HS6ST3: variants seen among roughly 807,000 people sequenced by gnomAD.
HS6ST3 encodes the protein heparan-sulfate 6-O-sulfotransferase 3.
A neutral mutation model predicts 36.7 loss-of-function variants in HS6ST3; 12 were observed. That is an observed-to-expected ratio of 0.33 (90% CI 0.21 to 0.53). The LOEUF (loss-of-function observed/expected upper bound fraction) is 0.53. Ranked by LOEUF, HS6ST3 falls within the 20% of genes least tolerant of loss-of-function variation. The pLI is 0.95. For missense variants in HS6ST3, 584 were observed against 640.9 expected, an observed-to-expected ratio of 0.91 and a Z score of 0.96; for synonymous variants, 240 against 257.5, an observed-to-expected ratio of 0.93 and a Z score of 0.65.
intron 1 of HS6ST3, among the ~76,000 whole-genome samples, chr13:96,608,596 A>G (rs1055336630): frequency 3.3e-5 from 5 of 152,216 alleles, no homozygotes; most frequent in African/African-American, 4.8e-5. Flanking sequence ...CTATAGGTCA[A>G]ATTGTCTGGG....
intron 1 of HS6ST3, 110 bp downstream of exon 1, chr13:96,091,679 C>A: frequency 2.1e-6 from 3 of 1,401,948 alleles, no homozygotes; most frequent in Non-Finnish European, 2.8e-6. Context: ...GGTTTCCTGG[C>A]GTCTTCAGCG....
intron 1 of HS6ST3, among the ~76,000 whole-genome samples, chr13:96,821,254 C>A (rs956952129): frequency 2.0e-5 from 3 of 152,208 alleles, no homozygotes; most frequent in East Asian, 3.9e-4. Context: ...CCATCCCTGG[C>A]CTTGCAAGAT....
chr13:96,701,336 A>G (rs117586952), intron 1 of HS6ST3, among the ~76,000 whole-genome samples: 1 of 152,328 alleles, frequency 6.6e-6, no homozygotes, highest in East Asian at 1.9e-4. Flanking sequence ...AGAATGACTA[A>G]TGGAATAATG....
intron 1 of HS6ST3, among the ~76,000 whole-genome samples, chr13:96,654,877 T>G (rs1259008207): frequency 6.6e-6 from 1 of 152,102 alleles, no homozygotes; most frequent in Non-Finnish European, 1.5e-5. Context: ...TTTTACACAT[T>G]CTAGATGTGC....
chr13:96,799,081 G>A (rs1194179328), intron 1 of HS6ST3, among the ~76,000 whole-genome samples: 4 of 152,048 alleles, frequency 2.6e-5, no homozygotes, highest in Non-Finnish European at 5.9e-5. Context: ...TCTAAATACA[G>A]TCACATTCTG....
chr13:96,421,750 A>G (rs1302943429), intron 1 of HS6ST3, among the ~76,000 whole-genome samples: 1 of 152,140 alleles, frequency 6.6e-6, no homozygotes, highest in Non-Finnish European at 1.5e-5. Flanking sequence ...AGTATTTTGA[A>G]AACGACTCTG....
At chr13:96,430,444 C>A (rs1230110589) in intron 1 of HS6ST3, among the ~76,000 whole-genome samples, 1 of 152,206 alleles carries the variant, frequency 6.6e-6, no homozygotes, top group Non-Finnish European at 1.5e-5. Context: ...TATGATGCTA[C>A]CCTGGGCACT....
chr13:96,824,265 A>T (rs538457199), intron 1 of HS6ST3, among the ~76,000 whole-genome samples: 1 of 152,366 alleles, frequency 6.6e-6, no homozygotes, highest in East Asian at 1.9e-4. Flanking sequence ...TGCGACGCAC[A>T]TGGCTTCTGT....
At chr13:96,249,120 A>G (rs1384695894) in intron 1 of HS6ST3, among the ~76,000 whole-genome samples, 1 of 152,078 alleles carries the variant, frequency 6.6e-6, no homozygotes, top group African/African-American at 2.4e-5. Context: ...GCCTTTGGGG[A>G]GACAAAGCTG....
At chr13:96,327,674 G>C (rs542201696) in intron 1 of HS6ST3, among the ~76,000 whole-genome samples, 1 of 151,560 alleles carries the variant, frequency 6.6e-6, no homozygotes, top group Non-Finnish European at 1.5e-5. Flanking sequence ...CTCTTTTTTG[G>C]TTCCATATGA....
At chr13:96,257,107 G>A (rs767397103) in intron 1 of HS6ST3, among the ~76,000 whole-genome samples, 1 of 152,160 alleles carries the variant, frequency 6.6e-6, no homozygotes, top group African/African-American at 2.4e-5. Context: ...AAGCTTTAGA[G>A]ATTCTTCCAA....
rs1306410156 is a variant in HS6ST3, at chr13:96,799,994, A to ATG, written c.708-32495_708-32494insGT. 8.0e-4 allele frequency among the ~76,000 whole-genome samples: 92 copies of ATG among 114,440 alleles called. 4 individuals are homozygous for ATG. The East Asian group carries it at 0.013, about 17-fold the overall frequency. 75.1% of individuals were successfully genotyped at this position (114,440 alleles called of 152,430 possible). A position where few individuals can be genotyped will look rare whatever the true frequency, so the allele number is the denominator to read the frequency against. Reference sequence around the variant, plus strand: ...TATATATATATATGTATATATATATATATGTATATATATATATATGTATAT... The same window carrying ATG: ...TATATATATATATGTATATATATATATGTATGTATATATATATATATGTATAT... On this transcript the variant is annotated intron_variant, in intron 1 of 1. Coordinates refer to ENST00000376705, the MANE Select transcript of HS6ST3 (RefSeq NM_153456.4).
At chr13:96,663,744 T>C (rs1021735300) in intron 1 of HS6ST3, among the ~76,000 whole-genome samples, 56 of 152,186 alleles carry the variant, frequency 3.7e-4, no homozygotes, top group African/African-American at 1.2e-3. Flanking sequence ...AATTCAAACG[T>C]CCATCAATTT....
intron 1 of HS6ST3, among the ~76,000 whole-genome samples, chr13:96,340,673 A>T (rs776015110): frequency 6.6e-6 from 1 of 152,216 alleles, no homozygotes; most frequent in Non-Finnish European, 1.5e-5. Flanking sequence ...GTGTCCTTTC[A>T]TTTACATGTA....
At chr13:96,612,515 A>G (rs2056460260) in intron 1 of HS6ST3, among the ~76,000 whole-genome samples, 1 of 152,092 alleles carries the variant, frequency 6.6e-6, no homozygotes, top group African/African-American at 2.4e-5. Context: ...TTTCACCCTA[A>G]TCCCAGACTC....
rs1566422902 is a variant in HS6ST3 at position 96,658,268 on chromosome 13, C to CTTCTTTTTTTTTTTTTTTTTTTTTTTT, written c.708-174220_708-174219insCTTTTTTTTTTTTTTTTTTTTTTTTTT. Among the ~76,000 whole-genome samples the CTTCTTTTTTTTTTTTTTTTTTTTTTTT allele has an allele frequency of 1.0e-3, 76 of 76,140 alleles. 4 individuals carry two copies. The highest frequency in any genetic ancestry group is 2.2e-3 in the South Asian group (4 of 1,806). 50.0% of individuals were successfully genotyped at this position (76,140 alleles called of 152,430 possible). ...TTCTTCTTCTTCTTCTCTTCTTCTT[C>CTTCTTTTTTTTTTTTTTTTTTTTTTTT]TTTTTTTTTTTTTTTTTTTTTTTTT... is the stretch of plus-strand genomic sequence containing the variant. On this transcript the variant is annotated intron_variant, in intron 1 of 1. Transcript: ENST00000376705.
intron 1 of HS6ST3, among the ~76,000 whole-genome samples, chr13:96,508,111 G>A (rs535442188): frequency 4.5e-4 from 68 of 152,042 alleles, no homozygotes; most frequent in African/African-American, 1.6e-3. Flanking sequence ...GATATCCACC[G>A]CCCACTATTT....
chr13:96,230,181 T>C (rs142323673), intron 1 of HS6ST3, among the ~76,000 whole-genome samples: 103 of 152,228 alleles, frequency 6.8e-4, no homozygotes, highest in African/African-American at 1.7e-3. Context: ...AGAAGAGTAG[T>C]GATATACTCA....
At chr13:96,689,264 G>A (rs1450458686) in intron 1 of HS6ST3, among the ~76,000 whole-genome samples, 1 of 152,032 alleles carries the variant, frequency 6.6e-6, no homozygotes, top group African/African-American at 2.4e-5. Context: ...TTAGGGTCCT[G>A]AAAGGCAGGT....
Sources: allele counts gnomAD v4.1 joint callset (sites outside exome capture counted in the v4.1 genomes callset), GRCh38; gene constraint gnomAD v4.1.1; transcripts MANE v1.5; gene names NCBI Gene and HGNC (gene_info 2026-07-23, HGNC 2026-07-21).